Variants in CTBP2 observed in about 807,000 individuals in gnomAD.
CTBP2 encodes the protein C-terminal binding protein 2, also known as C-terminal-binding protein 2.
In CTBP2, 30 loss-of-function variants were observed where a neutral mutation model predicts 80.3. The ratio of observed to expected loss-of-function variants is 0.37; its 90% CI spans 0.28 to 0.51. The LOEUF (loss-of-function observed/expected upper bound fraction) is 0.51. Ranked by LOEUF, CTBP2 falls within the 20% of genes least tolerant of loss-of-function variation. The pLI, the probability that CTBP2 is intolerant of heterozygous loss-of-function variation, is 0.93. For synonymous variants in CTBP2, 594 were observed against 587.4 expected (o/e 1.01, Z -0.16); for missense variants, 1,212 against 1,375.3 (o/e 0.88, Z 1.88).
chr10:125,044,356 G>C (rs894887994), intron 2 of CTBP2, among the ~76,000 whole-genome samples: 3 of 152,244 alleles, frequency 2.0e-5, no homozygotes, highest in Admixed American at 1.3e-4. Context: ...CGGCACATCT[G>C]CAGATACGGT....
chr10:125,017,772 G>C (rs1956637219), intron 1 of CTBP2, among the ~76,000 whole-genome samples: 1 of 152,238 alleles, frequency 6.6e-6, no homozygotes, highest in Non-Finnish European at 1.5e-5. Flanking sequence ...AGCAGCTGGA[G>C]CCAGGCAAAC....
chr10:125,103,624 C>CAGAAGAA (rs1281573375), intron 2 of CTBP2, among the ~76,000 whole-genome samples: 1 of 152,136 alleles, frequency 6.6e-6, no homozygotes, highest in Non-Finnish European at 1.5e-5. Flanking sequence ...GACGCTTCTG[C>CAGAAGAA]GACATGCAGA....
At chr10:125,123,637 G>A (rs752575226) in intron 1 of CTBP2, among the ~76,000 whole-genome samples, 3 of 152,226 alleles carry the variant, frequency 2.0e-5, no homozygotes, top group Admixed American at 6.5e-5. Context: ...TGGCCCTGTT[G>A]ACACTGCTTA....
intron 1 of CTBP2, chr10:125,122,860 G>A (rs2136050012): frequency 6.6e-6 from 1 of 152,284 alleles, no homozygotes; most frequent in African/African-American, 2.4e-5. Flanking sequence ...GCAGTGTTCT[G>A]GTCTAAGGCT....
chr10:125,057,656 C>G (rs540156355), intron 2 of CTBP2, among the ~76,000 whole-genome samples: 26 of 152,334 alleles, frequency 1.7e-4, no homozygotes, highest in African/African-American at 6.3e-4. Flanking sequence ...AATCCATCAT[C>G]ACAAAAACCA....
chr10:125,140,631 T>A (rs1253799933), intron 1 of CTBP2, among the ~76,000 whole-genome samples: 16 of 152,092 alleles, frequency 1.1e-4, no homozygotes, highest in Admixed American at 1.0e-3. Context: ...GAGACCAGCC[T>A]GGCTAACATG....
In CTBP2 at chr10:125,027,806, A is replaced by G; in HGVS notation, c.-47T>C. On this transcript the variant is annotated 5_prime_UTR_variant, in exon 1 of 9. Coordinates refer to ENST00000309035, the MANE Select transcript of CTBP2 (RefSeq NM_022802.3). The stretch of plus-strand genomic sequence containing the variant: ...TGAGGCAGAGGAGAAGCTTTTCTTT[A>G]TAAATCTTCAATTACATACATCAAA... 6.8e-7 allele frequency: 1 copy of G among 1,463,938 alleles called. No homozygotes were observed. Among genetic ancestry groups the G allele is most frequent in the African/African-American group, 1.4e-5 (1 of 70,576 alleles). The allele number at this position is 1,463,938 out of a possible 1,614,324, so 90.7% of individuals were successfully genotyped here.
chr10:125,117,192 G>T (rs1853477039), intron 1 of CTBP2, among the ~76,000 whole-genome samples: 2 of 152,222 alleles, frequency 1.3e-5, no homozygotes. Context: ...CAGTGAGGAC[G>T]CGCAGTACAA....
intron 2 of CTBP2, 61 bp downstream of exon 4, chr10:125,003,277 G>C: frequency 6.3e-7 from 1 of 1,591,298 alleles, no homozygotes. Context: ...CTAATGGGGG[G>C]ATGCTGGGGA....
intron 2 of CTBP2, among the ~76,000 whole-genome samples, chr10:125,099,270 T>G (rs144776929): frequency 1.1e-3 from 162 of 152,256 alleles, no homozygotes; most frequent in African/African-American, 3.6e-3. Context: ...GGAATAAAGG[T>G]AAATACCTCA....
chr10:125,093,061 G>A (rs1026286327), intron 2 of CTBP2, among the ~76,000 whole-genome samples: 1 of 152,156 alleles, frequency 6.6e-6, no homozygotes, highest in Non-Finnish European at 1.5e-5. Context: ...CAAGCTGACC[G>A]TTCTCTTTAC....
At chr10:124,995,080 C>T (rs1389277683) in intron 4 of CTBP2, among the ~76,000 whole-genome samples, 3 of 152,206 alleles carry the variant, frequency 2.0e-5, no homozygotes, top group African/African-American at 7.2e-5. Context: ...TTAACATGAG[C>T]TTTGTGTTTG....
At chr10:125,152,821 A>G (rs563609975) in intron 1 of CTBP2, among the ~76,000 whole-genome samples, 1 of 152,326 alleles carries the variant, frequency 6.6e-6, no homozygotes, top group African/African-American at 2.4e-5. Context: ...CTGGGCATCT[A>G]CGCTGAGCCT....
chr10:125,129,420 C>T (rs1009469679), intron 1 of CTBP2, among the ~76,000 whole-genome samples: 3 of 152,176 alleles, frequency 2.0e-5, no homozygotes, highest in Non-Finnish European at 2.9e-5. Context: ...CCAACACTTC[C>T]TCTAAGTTTT....
In CTBP2 at chr10:125,147,437, C is replaced by T. The variant is rs778530790; in HGVS notation, c.-206+12882G>A. 5.3e-5 allele frequency among the ~76,000 whole-genome samples: 8 copies of T among 152,282 alleles called. No individual in the cohort carries two copies. In the South Asian group the frequency reaches 1.0e-3, roughly 20 times the overall value. On this transcript the variant is annotated intron_variant, in intron 1 of 10. Transcript: ENST00000337195. Reference sequence around the variant, plus strand: ...GAGCGTTTCTTGGAGTGACCTAATACGTAGTAACATCCCACAGACTAAAAT... The same window carrying T: ...GAGCGTTTCTTGGAGTGACCTAATATGTAGTAACATCCCACAGACTAAAAT...
Position 125,027,524 on chromosome 10 carries a change from ACT to A in CTBP2, c.234_235del (p.Val79GlyfsTer9). 1 of 1,614,130 alleles carries A rather than the reference ACT, an allele frequency of 6.2e-7. No homozygotes were observed. Among genetic ancestry groups the A allele is most frequent in the Non-Finnish European group, 8.5e-7 (1 of 1,180,012 alleles). ...AGGAGTAGACCCCTTTCTTGCAGCC[ACT>A]GAGTTATAAACGGCCTCCCGGTACA... On this transcript the variant is annotated frameshift_variant, in exon 1 of 9. Transcript: ENST00000309035. LOFTEE classifies it high-confidence loss of function.
chr10:125,026,832 G>A lies in CTBP2; in HGVS notation c.928C>T (p.Leu310=). 3 of 1,613,540 alleles carry A rather than the reference G, an allele frequency of 1.9e-6. No individual in the cohort carries two copies. The highest frequency in any genetic ancestry group is 2.2e-5 in the South Asian group (2 of 91,090). Residue 310 remains leucine, a synonymous_variant, in exon 1 of 9, where the codon CTA becomes TTA. Coordinates refer to ENST00000309035, the MANE Select transcript of CTBP2 (RefSeq NM_022802.3). Reference sequence around the variant, plus strand: ...GGGGAGTCAAAGCCCTGCTGCAGTAGGGCTCCCAGCGTGGCCTCTGCCAGC... The same window carrying A: ...GGGGAGTCAAAGCCCTGCTGCAGTAAGGCTCCCAGCGTGGCCTCTGCCAGC...
chr10:125,077,061 A>G (rs4134395), intron 2 of CTBP2, among the ~76,000 whole-genome samples: 1 of 152,200 alleles, frequency 6.6e-6, no homozygotes, highest in African/African-American at 2.4e-5. Flanking sequence ...CCACGCCTCC[A>G]TTTTGAAAAG....
chr10:125,130,829 T>G (rs767316586), intron 1 of CTBP2, among the ~76,000 whole-genome samples: 25 of 152,154 alleles, frequency 1.6e-4, no homozygotes, highest in Admixed American at 4.6e-4. Context: ...TTCTAGAAAC[T>G]GCCAAGCATC....
Sources: allele counts gnomAD v4.1 joint callset (sites outside exome capture counted in the v4.1 genomes callset), GRCh38; gene constraint gnomAD v4.1.1; transcripts MANE v1.5; gene names NCBI Gene and HGNC (gene_info 2026-07-23, HGNC 2026-07-21).